The following TG variants were observed in gnomAD, a reference collection of about 807,000 sequenced individuals.
TG encodes thyroid hormones.
A neutral mutation model predicts 324.7 loss-of-function variants in TG; 270 were observed. The ratio of observed to expected loss-of-function variants is 0.83; its 90% CI spans 0.75 to 0.92. The LOEUF is 0.92. Among genes scored for constraint, TG ranks in the 40% least tolerant of loss-of-function variants. TG has a pLI of 0.00. For missense variants in TG, 3,591 were observed against 3,456.4 expected (o/e 1.04, Z -0.98); for synonymous variants, 1,401 against 1,327.0 (o/e 1.06, Z -1.21).
Position 132,983,368 on chromosome 8 carries a change from C to T in TG, c.6218C>T (p.Pro2073Leu). 1 of 1,614,074 alleles carries T rather than the reference C, an allele frequency of 6.2e-7. No homozygotes were observed. The highest frequency in any genetic ancestry group is 8.5e-7 in the Non-Finnish European group (1 of 1,180,004). Reference sequence around the variant, plus strand: ...TTTTCAGTTGCTCAAAATAATGCTCCCAGTTTTTGCCCTTTGGTTGTTCTG... The same window carrying T: ...TTTTCAGTTGCTCAAAATAATGCTCTCAGTTTTTGCCCTTTGGTTGTTCTG... Reference protein sequence around the residue: ...YQKPIAQNNAPSFCPLVVLPS... With the variant: ...YQKPIAQNNALSFCPLVVLPS... The change falls in exon 35 of 48, where the codon CCC (proline) becomes CTC (leucine). Residue 2073 changes from proline to leucine, a missense_variant. By Grantham distance (98) the Pro-to-Leu change is moderately conservative. Coordinates refer to ENST00000220616, the MANE Select transcript of TG (RefSeq NM_003235.5).
At position 132,887,003 on chromosome 8, in the gene TG, T is replaced by C. The variant is rs538771008; in HGVS notation, c.1631T>C (p.Met544Thr). Residue 544 changes from methionine (M) to threonine (T), a missense_variant, in exon 9 of 48, where the codon ATG (methionine) becomes ACG (threonine). Transcript: ENST00000220616. ...TPEAAKKDGT[M>T]NKPTVGSFGF... ...GAAGCTGCTAAGAAGGATGGTACTA[T>C]GAATAAGCCAACTGTGGGCAGCTTT... 8.7e-6 allele frequency: 14 copies of C among 1,614,242 alleles called. No homozygotes were observed. The African/African-American group carries it at 1.1e-4, about 12-fold the overall frequency.
Position 132,935,770 on chromosome 8 carries a change from G to T in TG, c.4947G>T (p.Leu1649=). 2.5e-6 allele frequency: 4 copies of T among 1,612,804 alleles called. No individual in the cohort carries two copies. Among genetic ancestry groups the T allele is most frequent in the Non-Finnish European group, 3.4e-6 (4 of 1,179,856 alleles). Reference sequence around the variant, plus strand: ...TCCATCTCCAGAAACGAGATGCACTGGGGAACTCAAAGGCCACCAGCTTTG... The same window carrying T: ...TCCATCTCCAGAAACGAGATGCACTTGGGAACTCAAAGGCCACCAGCTTTG... ...CMTSDQKRDA[L]GNSKATSFGS... is the part of the protein sequence containing the mutation. The change falls in exon 25 of 48, where the codon CTG becomes CTT. Residue 1649 remains leucine (L), a synonymous_variant. Coordinates refer to ENST00000220616, the MANE Select transcript of TG (RefSeq NM_003235.5).
intron 41 of TG, among the ~76,000 whole-genome samples, chr8:133,090,321 AC>A (rs1413833072): frequency 6.6e-6 from 1 of 152,222 alleles, no homozygotes; most frequent in Non-Finnish European, 1.5e-5. Context: ...GAGTTGGAAC[AC>A]CTGGGTTCAG....
At chr8:133,057,830 G>C (rs1448946472) in intron 41 of TG, among the ~76,000 whole-genome samples, 2 of 151,622 alleles carry the variant, frequency 1.3e-5, no homozygotes, top group Non-Finnish European at 2.9e-5. Context: ...GGCATTCACT[G>C]TCCTGGCTTG....
chr8:133,102,763 A>G, intron 43 of TG: 1 of 579,216 alleles, frequency 1.7e-6, no homozygotes, highest in Non-Finnish European at 3.1e-6. Context: ...TTGTTCCAAG[A>G]TGCAATGTTC....
At chr8:133,088,946 A>C (rs1847051942) in intron 41 of TG, among the ~76,000 whole-genome samples, 2 of 152,250 alleles carry the variant, frequency 1.3e-5, no homozygotes, top group Admixed American at 6.5e-5. Context: ...GGATGTTTAA[A>C]AAAAGTCCAT....
intron 43 of TG, chr8:133,106,262 C>T (rs376122410): frequency 8.3e-5 from 21 of 252,762 alleles, no homozygotes; most frequent in African/African-American, 3.2e-4. Flanking sequence ...CTGCAGAGTG[C>T]GCTGGCCTTG....
At chr8:133,073,887 A>G (rs534340934) in intron 41 of TG, among the ~76,000 whole-genome samples, 5 of 152,228 alleles carry the variant, frequency 3.3e-5, no homozygotes, top group South Asian at 2.1e-4. Context: ...TCAAAAGCAA[A>G]TAACAATCAC....
At position 132,957,742 on chromosome 8, in the gene TG, T is replaced by TA. The variant is rs1554680086; in HGVS notation, c.5402-3265dup. On this transcript the variant is annotated intron_variant, in intron 27 of 47. Coordinates refer to ENST00000220616, the MANE Select transcript of TG (RefSeq NM_003235.5). ...ATTCCCCAGTGATTTCATGGTAAAC[T>TA]ACACACACACACACACACACACACA... Among the ~76,000 whole-genome samples the TA allele has an allele frequency of 9.6e-5, 4 of 41,550 alleles. No individual in the cohort carries two copies. In the South Asian group the frequency reaches 4.0e-3, roughly 42 times the overall value. 27.3% of individuals were successfully genotyped at this position (41,550 alleles called of 152,430 possible). A position where few individuals can be genotyped will look rare whatever the true frequency, so the allele number is the denominator to read the frequency against.
chr8:133,105,822 T>C (rs1849754409), intron 43 of TG, among the ~76,000 whole-genome samples: 1 of 152,062 alleles, frequency 6.6e-6, no homozygotes. Context: ...GAAATTAGGC[T>C]GAGGCAGAGC....
rs1372063441 is a variant in TG at position 133,029,963 on chromosome 8, C to T, written c.7179C>T (p.Ser2393=). ...ACCGTGGCGGGGCTGATGTGGCCAG[C>T]ATCCACCTTCTCACGGCCAGGGCCA... ...AADRGGADVA[S]IHLLTARATN... The change falls in exon 41 of 48, where the codon AGC becomes AGT. Residue 2393 remains serine (S), a synonymous_variant. Transcript: ENST00000220616. 6 of 1,614,104 alleles carry T rather than the reference C, an allele frequency of 3.7e-6. No individual in the cohort carries two copies. Among genetic ancestry groups the T allele is most frequent in the Non-Finnish European group, 5.1e-6 (6 of 1,180,046 alleles).
chr8:133,044,002 C>T (rs1838815690), intron 41 of TG, among the ~76,000 whole-genome samples: 1 of 152,198 alleles, frequency 6.6e-6, no homozygotes, highest in Non-Finnish European at 1.5e-5. Flanking sequence ...ACCCTCCCCA[C>T]TTTCCATGAA....
chr8:133,045,298 G>C (rs1206634709), intron 41 of TG, among the ~76,000 whole-genome samples: 1 of 151,626 alleles, frequency 6.6e-6, no homozygotes. Context: ...TCCCGTTAGA[G>C]ACTGCAGAAG....
At chr8:133,046,207 G>A (rs1839363315) in intron 41 of TG, among the ~76,000 whole-genome samples, 1 of 152,228 alleles carries the variant, frequency 6.6e-6, no homozygotes, top group Admixed American at 6.5e-5. Flanking sequence ...AGAGACAGAG[G>A]AGAAAGGGAG....
intron 43 of TG, among the ~76,000 whole-genome samples, chr8:133,107,282 A>G (rs1849883172): frequency 6.6e-6 from 1 of 152,120 alleles, no homozygotes; most frequent in Non-Finnish European, 1.5e-5. Context: ...GGGCCCCAAG[A>G]CATTCAGGTT....
At chr8:133,100,148 G>A (rs998625650) in intron 43 of TG, among the ~76,000 whole-genome samples, 28 of 152,272 alleles carry the variant, frequency 1.8e-4, no homozygotes, top group African/African-American at 5.8e-4. Context: ...TCTCAAATAG[G>A]CTGAGCACAT....
At position 132,933,434 on chromosome 8, in the gene TG, T is replaced by TTGTGTGTGTG. The variant is rs370957018; in HGVS notation, c.4817-105_4817-96dup. On this transcript the variant is annotated intron_variant, in intron 23 of 47. Coordinates refer to ENST00000220616, the MANE Select transcript of TG (RefSeq NM_003235.5). ...TGTGTGTATTTGTGTATCTGCATAT[T>TTGTGTGTGTG]TGTGTGTGTGTGTGTGTGTGTGTGT... The TTGTGTGTGTG allele has an allele frequency of 4.5e-3, 3,042 of 681,216 alleles. 2 individuals carry two copies. The highest frequency in any genetic ancestry group is 0.012 in the South Asian group (791 of 65,462). 42.2% of individuals were successfully genotyped at this position (681,216 alleles called of 1,614,324 possible). A position where few individuals can be genotyped will look rare whatever the true frequency, so the allele number is the denominator to read the frequency against.
At chr8:132,999,477 A>G (rs1186858562) in intron 35 of TG, among the ~76,000 whole-genome samples, 1 of 151,894 alleles carries the variant, frequency 6.6e-6, no homozygotes, top group Non-Finnish European at 1.5e-5. Flanking sequence ...AAGCATACAA[A>G]CTCCCTGTCA....
At chr8:132,967,520 T>A (rs2130462740) in intron 30 of TG, among the ~76,000 whole-genome samples, 1 of 152,298 alleles carries the variant, frequency 6.6e-6, no homozygotes, top group Middle Eastern at 3.4e-3. Context: ...AATGCAATGT[T>A]ACTCTTTTGC....
Sources: allele counts gnomAD v4.1 joint callset (sites outside exome capture counted in the v4.1 genomes callset), GRCh38; gene constraint gnomAD v4.1.1; transcripts MANE v1.5; gene names NCBI Gene and HGNC (gene_info 2026-07-23, HGNC 2026-07-21).